Variants in CNKSR3 observed in about 807,000 individuals in gnomAD.
CNKSR3 encodes the protein connector enhancer of kinase suppressor of ras 3.
In CNKSR3, 36 loss-of-function variants were observed where a neutral mutation model predicts 67.7. That is an observed-to-expected ratio of 0.53 (90% CI 0.41 to 0.70). The LOEUF (loss-of-function observed/expected upper bound fraction) is 0.70. Among genes scored for constraint, CNKSR3 ranks in the 30% least tolerant of loss-of-function variants. The pLI is 0.00. For synonymous variants in CNKSR3, 281 were observed against 271.4 expected (o/e 1.04, Z -0.35); for missense variants, 630 against 695.2 (o/e 0.91, Z 1.05).
intron 1 of CNKSR3, among the ~76,000 whole-genome samples, chr6:154,483,719 CCT>C (rs145170251): frequency 2.6e-5 from 4 of 151,974 alleles, no homozygotes; most frequent in African/African-American, 4.8e-5. Flanking sequence ...TCCCTCTCTC[CCT>C]CTCTCTCTCA....
rs190603489 is a variant in CNKSR3 at position 154,499,990 on chromosome 6, G to A, written c.52+10073C>T. Among the ~76,000 whole-genome samples the A allele has an allele frequency of 5.3e-5, 8 of 152,094 alleles. No homozygotes were observed. In the East Asian group the frequency reaches 7.7e-4, roughly 15 times the overall value. On this transcript the variant is annotated intron_variant, in intron 1 of 12. Transcript: ENST00000607772. ...ATTTAAGGCTTTAGTGTACAGAGTC[G>A]TTTCCTAAATGCCACCCACAGTTGT... is the stretch of plus-strand genomic sequence containing the variant.
intron 1 of CNKSR3, among the ~76,000 whole-genome samples, chr6:154,509,620 C>T (rs1252481135): frequency 6.6e-6 from 1 of 152,226 alleles, no homozygotes; most frequent in East Asian, 1.9e-4. Context: ...CCTGTCACGC[C>T]TGCGGACGGC....
At chr6:154,506,193 C>A (rs1787098954) in intron 1 of CNKSR3, among the ~76,000 whole-genome samples, 1 of 150,950 alleles carries the variant, frequency 6.6e-6, no homozygotes, top group Non-Finnish European at 1.5e-5. Context: ...CCTTTCTGAC[C>A]AAACTCCAAG....
Position 154,396,623 on chromosome 6 carries a change from G to A in CNKSR3, c.*9731C>T, listed in dbSNP as rs1299925621. On this transcript the variant is annotated 3_prime_UTR_variant, in exon 13 of 13. Transcript: ENST00000607772. Reference sequence around the variant, plus strand: ...GAGTCAATGCTATGGAAAAACAGAAGAGACCAGTTAATTCTATTCAGAGTA... The same window carrying A: ...GAGTCAATGCTATGGAAAAACAGAAAAGACCAGTTAATTCTATTCAGAGTA... 1 of 152,044 alleles carries A rather than the reference G, an allele frequency of 6.6e-6. No homozygotes were observed. Among genetic ancestry groups the A allele is most frequent in the Non-Finnish European group, 1.5e-5 (1 of 68,016 alleles). 9.4% of individuals were successfully genotyped at this position (152,044 alleles called of 1,614,324 possible).
Position 154,414,279 on chromosome 6 carries a change from G to C in CNKSR3, c.1070+20C>G, listed in dbSNP as rs1784967551. ...CACCAACAGGAGACAAGCATACCAT[G>C]ACAATGGACAGCAACATACCGGGGA... On this transcript the variant is annotated intron_variant, in intron 10 of 12. Transcript: ENST00000607772. The C allele has an allele frequency of 1.3e-6, 2 of 1,563,718 alleles. No homozygotes were observed. Among genetic ancestry groups the C allele is most frequent in the African/African-American group, 1.4e-5 (1 of 73,138 alleles).
intron 2 of CNKSR3, among the ~76,000 whole-genome samples, chr6:154,445,123 T>C (rs972579318): frequency 1.3e-5 from 2 of 152,152 alleles, no homozygotes; most frequent in Non-Finnish European, 2.9e-5. Context: ...GAAGTTTAAA[T>C]TTATGTTACC....
intron 9 of CNKSR3, among the ~76,000 whole-genome samples, chr6:154,420,899 ATC>A (rs1400303347): frequency 3.9e-5 from 6 of 152,216 alleles, no homozygotes; most frequent in African/African-American, 9.7e-5. Context: ...TACAATTTGT[ATC>A]TGTCAATTAA....
chr6:154,458,241 A>T (rs1562342080), intron 1 of CNKSR3, among the ~76,000 whole-genome samples: 2 of 152,176 alleles, frequency 1.3e-5, no homozygotes, highest in Non-Finnish European at 2.9e-5. Context: ...TGCCGACCAG[A>T]AAAATAGACT....
chr6:154,508,178 A>G (rs924002797), intron 1 of CNKSR3, among the ~76,000 whole-genome samples: 5 of 152,244 alleles, frequency 3.3e-5, no homozygotes, highest in Non-Finnish European at 5.9e-5. Context: ...GCCCTGTGTT[A>G]TTTTAGATTT....
At chr6:154,503,466 AT>A (rs1000439277) in intron 1 of CNKSR3, among the ~76,000 whole-genome samples, 3 of 150,126 alleles carry the variant, frequency 2.0e-5, no homozygotes, top group East Asian at 2.0e-4. Context: ...CTCTACAAAG[AT>A]TTTTTTTTTA....
At chr6:154,461,087 G>A (rs548485062) in intron 1 of CNKSR3, among the ~76,000 whole-genome samples, 1 of 152,282 alleles carries the variant, frequency 6.6e-6, no homozygotes, top group East Asian at 1.9e-4. Context: ...AATAGGGGGC[G>A]GCTTGATTTA....
rs1475255694 is a variant in CNKSR3 at position 154,405,827 on chromosome 6, G to A, written c.*527C>T. On this transcript the variant is annotated 3_prime_UTR_variant, in exon 13 of 13. Coordinates refer to ENST00000607772, the MANE Select transcript of CNKSR3 (RefSeq NM_173515.4). ...CTACACTTAAACCTCTGCCTCAAAG[G>A]AGAAATCAGATACTTGCCACGTTAT... is the stretch of plus-strand genomic sequence containing the variant. 6.3e-6 allele frequency: 1 copy of A among 158,130 alleles called. No homozygotes were observed. The highest frequency in any genetic ancestry group is 1.4e-5 in the Non-Finnish European group (1 of 71,616). The allele number at this position is 158,130 out of a possible 1,614,324, so 9.8% of individuals were successfully genotyped here.
At chr6:154,508,416 C>G (rs1374158993) in intron 1 of CNKSR3, among the ~76,000 whole-genome samples, 1 of 152,134 alleles carries the variant, frequency 6.6e-6, no homozygotes, top group African/African-American at 2.4e-5. Flanking sequence ...TGCAGAGCCA[C>G]AAGTGGTACT....
At chr6:154,436,234 T>G (rs753456758) in intron 4 of CNKSR3, among the ~76,000 whole-genome samples, 1 of 152,240 alleles carries the variant, frequency 6.6e-6, no homozygotes, top group Non-Finnish European at 1.5e-5. Context: ...TGCAGTGGCA[T>G]GAACATGGCT....
At chr6:154,464,943 C>T (rs1447404987) in intron 1 of CNKSR3, among the ~76,000 whole-genome samples, 1 of 151,494 alleles carries the variant, frequency 6.6e-6, no homozygotes, top group South Asian at 2.1e-4. Flanking sequence ...AGTTCGAGAC[C>T]AGCCTGGCCA....
intron 9 of CNKSR3, among the ~76,000 whole-genome samples, chr6:154,415,496 G>A (rs575759400): frequency 2.0e-5 from 3 of 152,260 alleles, no homozygotes; most frequent in Admixed American, 6.5e-5. Context: ...CTCCCAAAGT[G>A]CTGGGATTAC....
At chr6:154,481,471 C>T (rs1786566318) in intron 1 of CNKSR3, among the ~76,000 whole-genome samples, 1 of 152,226 alleles carries the variant, frequency 6.6e-6, no homozygotes, top group Non-Finnish European at 1.5e-5. Context: ...AGCTCTAACA[C>T]AGTTTCTAAG....
chr6:154,452,939 C>T (rs551623327), intron 1 of CNKSR3, among the ~76,000 whole-genome samples: 1 of 152,324 alleles, frequency 6.6e-6, no homozygotes, highest in African/African-American at 2.4e-5. Flanking sequence ...TCTGTTGTTC[C>T]GGCCTCCCAG....
chr6:154,432,241 C>G (rs996103287), intron 5 of CNKSR3, among the ~76,000 whole-genome samples: 2 of 152,160 alleles, frequency 1.3e-5, no homozygotes. Context: ...TTTTAATTTA[C>G]AATTCCCTAA....
Sources: gnomAD v4.1 joint callset for allele counts (sites outside exome capture counted in the v4.1 genomes callset) on GRCh38, gnomAD v4.1.1 for gene constraint, MANE v1.5 for transcripts, NCBI Gene and HGNC (gene_info 2026-07-23, HGNC 2026-07-21) for gene names.